SIM1: variants seen among roughly 807,000 people sequenced by gnomAD.
SIM1 encodes the protein single-minded homolog 1.
SIM1 carries 18 observed loss-of-function variants against 78.2 expected under a neutral mutation model. That is an observed-to-expected ratio of 0.23 (90% CI 0.16 to 0.34). The LOEUF (loss-of-function observed/expected upper bound fraction) is 0.34, where lower values mean the gene tolerates loss of function less well. SIM1 is among the 10% of genes least tolerant of loss of function. SIM1 has a pLI of 1.00. For synonymous variants in SIM1, 417 were observed against 385.2 expected, an observed-to-expected ratio of 1.08 and a Z score of -0.97; for missense variants, 939 against 975.1, an observed-to-expected ratio of 0.96 and a Z score of 0.49.
chr6:100,425,530 T>C (rs1771704860), intron 9 of SIM1, among the ~76,000 whole-genome samples: 2 of 152,152 alleles, frequency 1.3e-5, no homozygotes, highest in South Asian at 2.1e-4. Context: ...CAATAAAAAA[T>C]ACCCACTTAA....
Position 100,449,704 on chromosome 6 carries a change from A to G in SIM1, c.349-5T>C. The G allele has an allele frequency of 6.2e-7, 1 of 1,611,852 alleles. No homozygotes were observed. The highest frequency in any genetic ancestry group is 1.3e-5 in the African/African-American group (1 of 74,950). ...GCTGTTTCCGGTCAGCTCTACCTGT[A>G]AAGAGGAGGATGTCGCCGTCGCCGT... On this transcript the variant is annotated splice_region_variant and splice_polypyrimidine_tract_variant and intron_variant, in intron 4 of 11. Coordinates refer to ENST00000369208, the MANE Select transcript of SIM1 (RefSeq NM_005068.3).
At chr6:100,418,389 A>AATAAATAAATAAATAAATAC (rs1771466819) in intron 10 of SIM1, among the ~76,000 whole-genome samples, 1 of 148,396 alleles carries the variant, frequency 6.7e-6, no homozygotes, top group African/African-American at 2.5e-5. Context: ...TAAATAAATA[A>AATAAATAAATAAATAAATAC]AATAAAAAAT....
chr6:100,405,739 A>C (rs929402738), intron 10 of SIM1, among the ~76,000 whole-genome samples: 4 of 152,094 alleles, frequency 2.6e-5, no homozygotes, highest in South Asian at 2.1e-4. Context: ...CCCACCCCCC[A>C]AAAAAAGTTA....
rs905260774 is a variant in SIM1 at position 100,405,202 on chromosome 6, C to T, written c.1168-11313G>A. ...ATGTTTATGAAATTTAATTCAATTA[C>T]ATACAGTTCCTAAAGAATTAAGCTT... On this transcript the variant is annotated intron_variant, in intron 10 of 11. Transcript: ENST00000369208. 7.9e-5 allele frequency among the ~76,000 whole-genome samples: 12 copies of T among 151,836 alleles called. No homozygotes were observed. The East Asian group carries it at 2.3e-3, about 29-fold the overall frequency.
At chr6:100,447,497 T>C in intron 8 of SIM1, 82 bp from the exon 9 acceptor site, 2 of 1,528,518 alleles carry the variant, frequency 1.3e-6, no homozygotes, top group Admixed American at 1.8e-5. Context: ...TGGTAAGAAT[T>C]GAGGGCTCCC....
chr6:100,450,208 C>A, intron 4 of SIM1, 59 bp downstream of exon 4: 1 of 1,461,032 alleles, frequency 6.8e-7, no homozygotes, highest in Non-Finnish European at 9.6e-7. Context: ...AGCCCCCTAC[C>A]CCTGCTTCCA....
At chr6:100,461,459 T>C (rs1470956636) in intron 2 of SIM1, among the ~76,000 whole-genome samples, 1 of 152,202 alleles carries the variant, frequency 6.6e-6, no homozygotes, top group Non-Finnish European at 1.5e-5. Context: ...CCTGCTATTC[T>C]TCTCCTCCCG....
chr6:100,433,765 CAT>C (rs1426092382), intron 9 of SIM1, among the ~76,000 whole-genome samples: 1 of 139,240 alleles, frequency 7.2e-6, no homozygotes, highest in African/African-American at 2.7e-5. Flanking sequence ...CACACACACA[CAT>C]ATAATGTATA....
At chr6:100,439,542 C>A (rs370698946) in intron 9 of SIM1, among the ~76,000 whole-genome samples, 1 of 152,144 alleles carries the variant, frequency 6.6e-6, no homozygotes, top group African/African-American at 2.4e-5. Flanking sequence ...TTCATGTAAT[C>A]ATGCAATTAA....
In SIM1 at chr6:100,417,688, C is replaced by T. The variant is rs552872248; in HGVS notation, c.1167+3102G>A. Among the ~76,000 whole-genome samples, 192 of 152,180 alleles carry T rather than the reference C, an allele frequency of 1.3e-3. 1 individual carries two copies. Among genetic ancestry groups the T allele is most frequent in the African/African-American group, 4.5e-3 (186 of 41,534 alleles). On this transcript the variant is annotated intron_variant, in intron 10 of 11. Coordinates refer to ENST00000369208, the MANE Select transcript of SIM1 (RefSeq NM_005068.3). ...CTGGACAACATGCTTTTCCAGTGTG[C>T]CCCAGAGGAAACTCTCAGCCTATGA...
In SIM1 at chr6:100,387,190, T is replaced by C. The variant is rs1235832644; in HGVS notation, c.*3171A>G. On this transcript the variant is annotated 3_prime_UTR_variant, in exon 12 of 12. Transcript: ENST00000369208. ...TATACCAGTAATTGGATAGAGCACA[T>C]TTTTATGTATCCCCAAGGTGATATG... The C allele has an allele frequency of 6.6e-6, 1 of 152,068 alleles. No homozygotes were observed. The highest frequency in any genetic ancestry group is 1.5e-5 in the Non-Finnish European group (1 of 67,926). The allele number at this position is 152,068 out of a possible 1,614,324, so 9.4% of individuals were successfully genotyped here. A position where few individuals can be genotyped will look rare whatever the true frequency, so the allele number is the denominator to read the frequency against.
At chr6:100,421,510 T>A (rs1771585850) in intron 9 of SIM1, among the ~76,000 whole-genome samples, 1 of 152,224 alleles carries the variant, frequency 6.6e-6, no homozygotes, top group East Asian at 1.9e-4. Flanking sequence ...AATAAATATT[T>A]ATTGAGTTCC....
chr6:100,450,063 T>G (rs1772470020), intron 4 of SIM1, among the ~76,000 whole-genome samples: 1 of 152,134 alleles, frequency 6.6e-6, no homozygotes, highest in African/African-American at 2.4e-5. Flanking sequence ...AAGTAGCCAT[T>G]GTTTGGGCCT....
chr6:100,402,418 GTT>G (rs1211324492), intron 10 of SIM1, among the ~76,000 whole-genome samples: 1 of 152,014 alleles, frequency 6.6e-6, no homozygotes. Flanking sequence ...GGTACCAACA[GTT>G]TTTATCATTT....
chr6:100,453,495 C>T (rs997426816), intron 3 of SIM1, among the ~76,000 whole-genome samples: 2 of 152,094 alleles, frequency 1.3e-5, no homozygotes, highest in Non-Finnish European at 2.9e-5. Context: ...TTAGGGGCCT[C>T]GTTGGGCTAC....
chr6:100,407,470 A>C (rs1422922585), intron 10 of SIM1, among the ~76,000 whole-genome samples: 1 of 152,106 alleles, frequency 6.6e-6, no homozygotes, highest in African/African-American at 2.4e-5. Flanking sequence ...GGTATATAAG[A>C]AGTGAAGTTG....
At chr6:100,410,053 C>T (rs1158023238) in intron 10 of SIM1, among the ~76,000 whole-genome samples, 1 of 152,016 alleles carries the variant, frequency 6.6e-6, no homozygotes, top group Non-Finnish European at 1.5e-5. Flanking sequence ...CTATAATACG[C>T]CAAGAGAGTT....
At chr6:100,403,349 C>A (rs1029890010) in intron 10 of SIM1, among the ~76,000 whole-genome samples, 1 of 152,228 alleles carries the variant, frequency 6.6e-6, no homozygotes, top group East Asian at 1.9e-4. Context: ...ATAACAGAAT[C>A]ATTCCTTCTA....
intron 10 of SIM1, among the ~76,000 whole-genome samples, chr6:100,408,084 T>C (rs1043332604): frequency 1.3e-5 from 2 of 152,104 alleles, no homozygotes; most frequent in Non-Finnish European, 2.9e-5. Flanking sequence ...TTTTTCCCTA[T>C]GTTTTTTTCT....
Sources: gnomAD v4.1 joint callset for allele counts (sites outside exome capture counted in the v4.1 genomes callset) on GRCh38, gnomAD v4.1.1 for gene constraint, MANE v1.5 for transcripts, NCBI Gene and HGNC (gene_info 2026-07-23, HGNC 2026-07-21) for gene names.